The following MAP3K13 variants were observed in gnomAD, a reference collection of about 807,000 sequenced individuals.
The protein encoded by MAP3K13 is mitogen-activated protein kinase kinase kinase 13, also known as leucine zipper-bearing kinase.
MAP3K13 carries 52 observed loss-of-function variants against 104.0 expected under a neutral mutation model. The ratio of observed to expected loss-of-function variants is 0.50; its 90% CI spans 0.40 to 0.63. MAP3K13 has a LOEUF of 0.63. MAP3K13 is among the 20% of genes least tolerant of loss of function. MAP3K13 has a pLI of 0.00. For missense variants in MAP3K13, 914 were observed against 1,218.5 expected (o/e 0.75, Z 3.72); for synonymous variants, 394 against 442.2 (o/e 0.89, Z 1.37).
At chr3:185,383,229 A>G (rs1325679724) in intron 1 of MAP3K13, among the ~76,000 whole-genome samples, 1 of 151,260 alleles carries the variant, frequency 6.6e-6, no homozygotes, top group Non-Finnish European at 1.5e-5. Flanking sequence ...TCCATGGTGT[A>G]TATGTGCCAC....
intron 2 of MAP3K13, among the ~76,000 whole-genome samples, chr3:185,433,124 C>T (rs1714841760): frequency 6.6e-6 from 1 of 152,146 alleles, no homozygotes; most frequent in African/African-American, 2.4e-5. Context: ...TGATAGTGAG[C>T]CCAAGTAAAG....
chr3:185,412,747 T>G (rs1713523125), intron 1 of MAP3K13, among the ~76,000 whole-genome samples: 1 of 152,206 alleles, frequency 6.6e-6, no homozygotes. Context: ...TAGTTACTGC[T>G]CTATTAAAAT....
chr3:185,427,959 A>G lies in MAP3K13; in HGVS notation c.-85-538A>G, dbSNP rs182041856. On this transcript the variant is annotated intron_variant, in intron 1 of 13. Coordinates refer to ENST00000265026, the MANE Select transcript of MAP3K13 (RefSeq NM_004721.5). The stretch of plus-strand genomic sequence containing the variant: ...CCAGGTGTGATGATGCATGCCTATA[A>G]TCCCAGCTACTTGGGAGGCTGAGGC... 9.9e-5 allele frequency among the ~76,000 whole-genome samples: 15 copies of G among 152,120 alleles called. 1 individual carries two copies. The East Asian group carries it at 2.9e-3, about 29-fold the overall frequency.
intron 2 of MAP3K13, among the ~76,000 whole-genome samples, chr3:185,303,571 C>G (rs1721180523): frequency 6.6e-6 from 1 of 151,128 alleles, no homozygotes; most frequent in Non-Finnish European, 1.5e-5. Context: ...TTCTAGAAAT[C>G]TATCATTTTT....
intron 1 of MAP3K13, among the ~76,000 whole-genome samples, chr3:185,382,420 G>A (rs1724770887): frequency 6.6e-6 from 1 of 152,160 alleles, no homozygotes; most frequent in Non-Finnish European, 1.5e-5. Context: ...TACTGTATAT[G>A]ATGTAGTGAT....
rs1714240364 is a variant in MAP3K13 at position 185,423,315 on chromosome 3, G to A, written c.-85-5182G>A. On this transcript the variant is annotated intron_variant, in intron 1 of 13. Transcript: ENST00000265026. This position sits in a 1 kb window ranked among gnomAD's most constrained non-coding sequence, Gnocchi z 4.1. ...GAGGTTGGGGACTGCTGCTGTATAG[G>A]ATAACCAAGAGTCCTGGCAGCCAAG... Among the ~76,000 whole-genome samples, 1 of 152,182 alleles carries A rather than the reference G, an allele frequency of 6.6e-6. No individual in the cohort carries two copies. Among genetic ancestry groups the A allele is most frequent in the African/African-American group, 2.4e-5 (1 of 41,438 alleles).
chr3:185,328,963 G>T, intron 2 of MAP3K13: 1 of 418,862 alleles, frequency 2.4e-6, no homozygotes, highest in Non-Finnish European at 4.4e-6. Flanking sequence ...TCAGCTTGGT[G>T]TAAGTAGTTT....
intron 2 of MAP3K13, among the ~76,000 whole-genome samples, chr3:185,355,466 C>CAA (rs10554957): frequency 0.017 from 2,284 of 135,944 alleles, 65 homozygotes; most frequent in African/African-American, 0.061. Flanking sequence ...AACTCTGTCT[C>CAA]AAAAAAAAAA....
chr3:185,393,304 C>T (rs745837327), intron 1 of MAP3K13, among the ~76,000 whole-genome samples: 13 of 152,084 alleles, frequency 8.5e-5, no homozygotes, highest in Admixed American at 3.3e-4. Context: ...ATCAGGAATG[C>T]GGAAATGCTG....
chr3:185,357,039 A>T (rs1723385771), intron 2 of MAP3K13, among the ~76,000 whole-genome samples: 1 of 152,182 alleles, frequency 6.6e-6, no homozygotes, highest in South Asian at 2.1e-4. Flanking sequence ...ACTTGTGTCT[A>T]GCTAAAGAAG....
At chr3:185,478,913 T>C (rs943826808) in intron 12 of MAP3K13, among the ~76,000 whole-genome samples, 1 of 151,778 alleles carries the variant, frequency 6.6e-6, no homozygotes, top group Non-Finnish European at 1.5e-5. Flanking sequence ...CAAAACTCTT[T>C]AGACTAAGAA....
intron 2 of MAP3K13, among the ~76,000 whole-genome samples, chr3:185,331,280 A>AGATGGGG (rs1722265872): frequency 6.6e-6 from 1 of 151,766 alleles, no homozygotes; most frequent in African/African-American, 2.4e-5. Context: ...TTTAGTAAGG[A>AGATGGGG]GATGGGGTTT....
intron 11 of MAP3K13, among the ~76,000 whole-genome samples, chr3:185,474,453 T>G (rs1240803860): frequency 6.6e-6 from 1 of 152,240 alleles, no homozygotes; most frequent in Non-Finnish European, 1.5e-5. Flanking sequence ...AGAGTAAGTT[T>G]AAGAAGCACA....
At chr3:185,390,868 G>A (rs1404542399) in intron 1 of MAP3K13, among the ~76,000 whole-genome samples, 3 of 152,036 alleles carry the variant, frequency 2.0e-5, no homozygotes, top group Non-Finnish European at 4.4e-5. Flanking sequence ...TGATCGGCCT[G>A]CCTCGGCCTC....
At chr3:185,361,086 GTA>G (rs536100470), upstream of MAP3K13, among the ~76,000 whole-genome samples, 104 of 144,970 alleles carry the variant, frequency 7.2e-4, no homozygotes, top group Middle Eastern at 0.011. Flanking sequence ...ATGTGTATGT[GTA>G]TATATATATA....
chr3:185,303,912 G>A (rs1391920934), intron 2 of MAP3K13, among the ~76,000 whole-genome samples: 1 of 151,698 alleles, frequency 6.6e-6, no homozygotes, highest in African/African-American at 2.4e-5. Flanking sequence ...GCAAAATTAG[G>A]TTGTTGATTT....
At chr3:185,378,041 G>A (rs760556168) in intron 1 of MAP3K13, among the ~76,000 whole-genome samples, 18 of 152,308 alleles carry the variant, frequency 1.2e-4, no homozygotes, top group Non-Finnish European at 2.4e-4. Flanking sequence ...TGGCAGCTGC[G>A]GTTCAGGTGT....
intron 2 of MAP3K13, among the ~76,000 whole-genome samples, chr3:185,339,000 T>A (rs540663198): frequency 1.3e-5 from 2 of 152,244 alleles, no homozygotes; most frequent in East Asian, 3.9e-4. Flanking sequence ...TGAGGTATAA[T>A]AAGTGTAATA....
rs187758096 is a variant in MAP3K13, at chr3:185,409,490, G to A, written c.-85-19007G>A. 1.5e-3 allele frequency among the ~76,000 whole-genome samples: 234 copies of A among 152,052 alleles called. 2 individuals are homozygous for A. The highest frequency in any genetic ancestry group is 8.4e-4 in the Non-Finnish European group (57 of 67,966). On this transcript the variant is annotated intron_variant, in intron 1 of 13. Transcript: ENST00000265026. Reference sequence around the variant, plus strand: ...TTATCAAAAAGATAAAAACATAAACGCTGGCAAGGATGCATAGAAAATGGA... The same window carrying A: ...TTATCAAAAAGATAAAAACATAAACACTGGCAAGGATGCATAGAAAATGGA...
Sources: allele counts gnomAD v4.1 joint callset (sites outside exome capture counted in the v4.1 genomes callset), GRCh38; gene constraint gnomAD v4.1.1; non-coding constraint Gnocchi (gnomAD v3.1); transcripts MANE v1.5; gene names NCBI Gene and HGNC (gene_info 2026-07-23, HGNC 2026-07-21).